The following CDC42BPG variants were observed in gnomAD, a reference collection of about 807,000 sequenced individuals.
CDC42BPG encodes the protein CDC42 binding protein kinase gamma.
Under a neutral mutation model 192.2 loss-of-function variants are expected in CDC42BPG, and 157 were observed. The ratio of observed to expected loss-of-function variants is 0.82; its 90% confidence interval spans 0.72 to 0.93. The LOEUF (loss-of-function observed/expected upper bound fraction) is 0.93. CDC42BPG is among the 40% of genes least tolerant of loss of function. The pLI, the probability that CDC42BPG is intolerant of heterozygous loss-of-function variation, is 0.00. For synonymous variants in CDC42BPG, 981 were observed against 918.5 expected, an observed-to-expected ratio of 1.07 and a Z score of -1.23; for missense variants, 1,992 against 2,122.1, an observed-to-expected ratio of 0.94 and a Z score of 1.20.
At chr11:64,832,056 C>T (rs1184815862) in intron 27 of CDC42BPG, among the ~76,000 whole-genome samples, 1 of 152,184 alleles carries the variant, frequency 6.6e-6, no homozygotes, top group Non-Finnish European at 1.5e-5. Flanking sequence ...AGTGCAGGGC[C>T]GGCAATTTCG....
At chr11:64,833,715 A>G (rs765882945) in intron 22 of CDC42BPG, 23 bp downstream of exon 22, 1 of 1,613,648 alleles carries the variant, frequency 6.2e-7, no homozygotes, top group Non-Finnish European at 8.5e-7. Flanking sequence ...CAGGCCCCCT[A>G]CGATGGACCC....
At position 64,832,872 on chromosome 11, in the gene CDC42BPG, A is replaced by G. The variant is rs1942767847; in HGVS notation, c.2819T>C (p.Val940Ala). 7 of 1,564,764 alleles carry G rather than the reference A, an allele frequency of 4.5e-6. No homozygotes were observed. In the South Asian group the frequency reaches 8.2e-5, roughly 18 times the overall value. ...PPDLLRTALG[V>A]HPETGTGTAY... is the part of the protein sequence containing the mutation. The stretch of plus-strand genomic sequence containing the variant: ...AGTGCCTGTGCCTGTTTCGGGGTGT[A>G]CTCCCAGGGCTGTGCGGAGGAGGTC... The change falls in exon 25 of 37, where the codon GTA becomes GCA. Residue 940 changes from valine to alanine, a missense_variant. Val to Ala is a moderately conservative substitution (Grantham distance 64). Around this residue, in one of 2 missense-constraint regions of CDC42BPG, gnomAD observed 1,656 missense variants for 1,844.3 expected, o/e 0.90. Transcript: ENST00000342711.
chr11:64,828,567 C>T (rs904318209), intron 30 of CDC42BPG, among the ~76,000 whole-genome samples: 1 of 152,222 alleles, frequency 6.6e-6, no homozygotes, highest in Non-Finnish European at 1.5e-5. Flanking sequence ...ATCTTTGGAG[C>T]GCCTACCAGC....
Position 64,836,720 on chromosome 11 carries a change from G to GGGGT in CDC42BPG, c.1384+18_1384+19insACCC. The GGGGT allele has an allele frequency of 5.9e-6, 5 of 843,824 alleles. No individual in the cohort carries two copies. Among genetic ancestry groups the GGGGT allele is most frequent in the Non-Finnish European group, 8.6e-6 (5 of 584,548 alleles). 52.3% of individuals were successfully genotyped at this position (843,824 alleles called of 1,614,324 possible). A position where few individuals can be genotyped will look rare whatever the true frequency, so the allele number is the denominator to read the frequency against. ...GGACTCAGCCCTGGGGGGGGGGGGG[G>GGGGT]GGTGGGCGGAAGGGATACCTGGCAG... On this transcript the variant is annotated intron_variant, in intron 11 of 36. Coordinates refer to ENST00000342711, the MANE Select transcript of CDC42BPG (RefSeq NM_017525.3).
intron 9 of CDC42BPG, 44 bp from the exon 10 acceptor site, chr11:64,837,063 C>T: frequency 6.9e-7 from 1 of 1,443,556 alleles, no homozygotes; most frequent in Non-Finnish European, 9.8e-7. Flanking sequence ...AAACCTCACC[C>T]CACAGAGTCT....
At chr11:64,836,876 C>T (rs202158963) in intron 10 of CDC42BPG, 46 bp downstream of exon 10, 2 of 1,609,744 alleles carry the variant, frequency 1.2e-6, no homozygotes. Flanking sequence ...GCAGCAGCAG[C>T]CCCTAGGGCC....
chr11:64,836,719 G>GGC lies in CDC42BPG; in HGVS notation c.1384+19_1384+20insGC, dbSNP rs1943025625. Reference sequence around the variant, plus strand: ...GGGACTCAGCCCTGGGGGGGGGGGGGGGGTGGGCGGAAGGGATACCTGGCA... The same window carrying GGC: ...GGGACTCAGCCCTGGGGGGGGGGGGGGCGGGTGGGCGGAAGGGATACCTGGCA... On this transcript the variant is annotated intron_variant, in intron 11 of 36. Coordinates refer to ENST00000342711, the MANE Select transcript of CDC42BPG (RefSeq NM_017525.3). 6.8e-4 allele frequency: 574 copies of GGC among 841,818 alleles called. 9 individuals carry two copies. The highest frequency in any genetic ancestry group is 8.3e-4 in the Non-Finnish European group (483 of 582,046). The allele number at this position is 841,818 out of a possible 1,614,324, so 52.1% of individuals were successfully genotyped here.
rs1204467871 is a variant in CDC42BPG at position 64,827,091 on chromosome 11, C to T, written c.4348G>A (p.Gly1450Ser). The T allele has an allele frequency of 6.2e-7, 1 of 1,613,900 alleles. No homozygotes were observed. The highest frequency in any genetic ancestry group is 2.2e-5 in the East Asian group (1 of 44,880). ...PTNFNHLVHV[G>S]PANGRPGARD... ...GCGCCGGGCCGCCCGTTGGCAGGGC[C>T]CACGTGTACTAGGTGGTTGAAGTTG... Residue 1450 changes from glycine (G) to serine (S), a missense_variant, in exon 34 of 37, where the codon GGC (glycine) becomes AGC (serine). By Grantham distance (56) the Gly-to-Ser change is moderately conservative (BLOSUM62 0). Around this residue, in one of 2 missense-constraint regions of CDC42BPG, gnomAD observed 336 missense variants for 277.9 expected, o/e 1.21. Coordinates refer to ENST00000342711, the MANE Select transcript of CDC42BPG (RefSeq NM_017525.3).
chr11:64,836,625 C>T (rs1943004919), intron 11 of CDC42BPG, 95 bp from the exon 12 acceptor site: 2 of 1,295,890 alleles, frequency 1.5e-6, no homozygotes, highest in Non-Finnish European at 1.1e-6. Flanking sequence ...CACGCGGGCT[C>T]AGAGAGTATA....
In CDC42BPG at chr11:64,840,278, G is replaced by T; in HGVS notation, c.433-10C>A. The T allele has an allele frequency of 1.2e-6, 2 of 1,608,260 alleles. No homozygotes were observed. Among genetic ancestry groups the T allele is most frequent in the East Asian group, 2.2e-5 (1 of 44,828 alleles). On this transcript the variant is annotated splice_polypyrimidine_tract_variant and intron_variant, in intron 4 of 36. Coordinates refer to ENST00000342711, the MANE Select transcript of CDC42BPG (RefSeq NM_017525.3). ...AGTCCATCACAAGGTACTGGAGGTG[G>T]CGGACAAGAATCAGACCCGGGGGAA...
At chr11:64,826,424 C>T (rs1402069080) in intron 36 of CDC42BPG, 46 bp downstream of exon 36, 14 of 1,370,250 alleles carry the variant, frequency 1.0e-5, no homozygotes, top group Non-Finnish European at 1.4e-5. Context: ...AACGGAACTG[C>T]CTGACGTTTG....
At chr11:64,835,978 C>T (rs1301058704) in intron 13 of CDC42BPG, 127 bp from the exon 14 acceptor site, 22 of 1,300,612 alleles carry the variant, frequency 1.7e-5, no homozygotes, top group African/African-American at 2.9e-5. Context: ...CAGACTGCCC[C>T]GTCCCAGCCA....
chr11:64,824,377 C>T lies in CDC42BPG; in HGVS notation c.*96G>A. ...CCGGGTCCTCCCTGAGTCCGAATTTCCATGTCCCGGACCAGCCGGAGTATG... is the reference window on the plus strand; with the variant it reads ...CCGGGTCCTCCCTGAGTCCGAATTTTCATGTCCCGGACCAGCCGGAGTATG... On this transcript the variant is annotated 3_prime_UTR_variant, in exon 37 of 37. Coordinates refer to ENST00000342711, the MANE Select transcript of CDC42BPG (RefSeq NM_017525.3). 9.6e-6 allele frequency: 9 copies of T among 939,186 alleles called. No individual in the cohort carries two copies. The highest frequency in any genetic ancestry group is 1.6e-5 in the Non-Finnish European group (9 of 563,578). The allele number at this position is 939,186 out of a possible 1,614,324, so 58.2% of individuals were successfully genotyped here. A position where few individuals can be genotyped will look rare whatever the true frequency, so the allele number is the denominator to read the frequency against.
intron 1 of CDC42BPG, among the ~76,000 whole-genome samples, chr11:64,843,780 A>C (rs978663552): frequency 6.6e-6 from 1 of 152,276 alleles, no homozygotes; most frequent in African/African-American, 2.4e-5. Context: ...ACAGCCCCCA[A>C]GGAGCTTGGC....
chr11:64,826,664 C>T lies in CDC42BPG; in HGVS notation c.4513+7G>A, dbSNP rs1042345780. On this transcript the variant is annotated splice_region_variant and intron_variant, in intron 35 of 36. Coordinates refer to ENST00000342711, the MANE Select transcript of CDC42BPG (RefSeq NM_017525.3). ...TGGCACACTGGAGGCTGAGGGGCTG[C>T]CCTTACTGGGGTCTGCGTCTCCACC... 6.3e-7 allele frequency: 1 copy of T among 1,578,112 alleles called. No individual in the cohort carries two copies. Among genetic ancestry groups the T allele is most frequent in the Non-Finnish European group, 8.6e-7 (1 of 1,161,996 alleles).
chr11:64,840,977 C>T (rs1263450360), intron 3 of CDC42BPG, among the ~76,000 whole-genome samples: 1 of 151,668 alleles, frequency 6.6e-6, no homozygotes, highest in Non-Finnish European at 1.5e-5. Context: ...GGTGAAACTC[C>T]ATCTCTACTA....
intron 8 of CDC42BPG, 127 bp from the exon 9 acceptor site, chr11:64,838,289 C>T: frequency 1.4e-6 from 1 of 692,090 alleles, no homozygotes; most frequent in Non-Finnish European, 2.4e-6. Context: ...GGTAACACAG[C>T]CCAACCCAAA....
At chr11:64,834,993 C>G (rs1942907571) in intron 17 of CDC42BPG, 30 bp from the exon 18 acceptor site, 1 of 1,612,974 alleles carries the variant, frequency 6.2e-7, no homozygotes, top group Admixed American at 1.7e-5. Flanking sequence ...GGGTCATGGG[C>G]TGGGCCCTCA....
rs1942978679 is a variant in CDC42BPG, at chr11:64,836,222, C to T, written c.1563G>A (p.Glu521=). 6.2e-7 allele frequency: 1 copy of T among 1,600,386 alleles called. No homozygotes were observed. Among genetic ancestry groups the T allele is most frequent in the South Asian group, 1.1e-5 (1 of 89,520 alleles). ...ELCRAQGQQE[E]LLQRLQEAQE... is the part of the protein sequence containing the mutation. ...GGGCCTCCTGTAGCCTCTGAAGCAG[C>T]TCCTCCTGCTGCCCCTGGGCCCTGC... is the stretch of plus-strand genomic sequence containing the variant. Residue 521 remains glutamate, a synonymous_variant, in exon 13 of 37, where the codon GAG becomes GAA. Transcript: ENST00000342711.
Sources: gnomAD v4.1 joint callset for allele counts (sites outside exome capture counted in the v4.1 genomes callset) on GRCh38, gnomAD v4.1.1 for gene constraint, gnomAD v4.1.1 regional missense constraint, MANE v1.5 for transcripts, NCBI Gene and HGNC (gene_info 2026-07-23, HGNC 2026-07-21) for gene names.